The following ST6GALNAC3 variants were observed in gnomAD, a reference collection of about 807,000 sequenced individuals.
ST6GALNAC3 encodes ST6 N-acetylgalactosaminide alpha-2,6-sialyltransferase 3.
In ST6GALNAC3, 25 loss-of-function variants were observed where a neutral mutation model predicts 32.7. That is an observed-to-expected ratio of 0.76 (90% CI 0.56 to 1.07). The LOEUF is 1.07. Among genes scored for constraint, ST6GALNAC3 ranks in the 50% least tolerant of loss-of-function variants. The probability of loss-of-function intolerance (pLI) is 0.00; values close to 1 mark genes in which losing one functional copy is unlikely to be tolerated. For synonymous variants in ST6GALNAC3, 129 were observed against 133.1 expected (o/e 0.97, Z 0.21); for missense variants, 355 against 382.4 (o/e 0.93, Z 0.60).
intron 3 of ST6GALNAC3, among the ~76,000 whole-genome samples, chr1:76,431,348 A>G (rs1655738695): frequency 6.6e-6 from 1 of 152,202 alleles, no homozygotes; most frequent in African/African-American, 2.4e-5. Context: ...GAGCTCCAGA[A>G]TTAAAATTTG....
chr1:76,098,306 CT>C (rs1421325722), intron 1 of ST6GALNAC3, among the ~76,000 whole-genome samples: 2 of 151,996 alleles, frequency 1.3e-5, no homozygotes, highest in Non-Finnish European at 2.9e-5. Context: ...GATCACAATG[CT>C]TTTTTTTCTT....
intron 3 of ST6GALNAC3, among the ~76,000 whole-genome samples, chr1:76,534,649 C>T (rs1663483613): frequency 6.6e-6 from 1 of 152,160 alleles, no homozygotes; most frequent in Non-Finnish European, 1.5e-5. Context: ...TGTAGATGTT[C>T]TTTGGAGCTC....
intron 1 of ST6GALNAC3, among the ~76,000 whole-genome samples, chr1:76,177,330 G>A (rs1388391927): frequency 1.3e-5 from 2 of 152,152 alleles, no homozygotes; most frequent in African/African-American, 4.8e-5. Context: ...GACTCAGGAT[G>A]TGTTTGTGAA....
chr1:76,303,647 G>T (rs78828612), intron 1 of ST6GALNAC3, among the ~76,000 whole-genome samples: 3,706 of 152,152 alleles, frequency 0.024, 147 homozygotes, highest in African/African-American at 0.085. Flanking sequence ...ATACTCTTTT[G>T]TTATCTATTT....
At chr1:76,485,977 A>C (rs992488395) in intron 3 of ST6GALNAC3, among the ~76,000 whole-genome samples, 3 of 152,120 alleles carry the variant, frequency 2.0e-5, no homozygotes, top group African/African-American at 7.2e-5. Flanking sequence ...TCATTTTGTT[A>C]TGCACCCAGT....
At chr1:76,389,804 GA>G (rs1190805779) in intron 2 of ST6GALNAC3, among the ~76,000 whole-genome samples, 1 of 152,104 alleles carries the variant, frequency 6.6e-6, no homozygotes, top group Admixed American at 6.6e-5. Flanking sequence ...AATAAAAAGT[GA>G]AAAAAGTCAT....
intron 1 of ST6GALNAC3, among the ~76,000 whole-genome samples, chr1:76,309,643 G>A (rs891127592): frequency 6.6e-6 from 1 of 152,078 alleles, no homozygotes; most frequent in Admixed American, 6.5e-5. Context: ...TTTCAGAGTG[G>A]TTTCATACTA....
At chr1:76,126,197 A>G (rs1461794571) in intron 1 of ST6GALNAC3, among the ~76,000 whole-genome samples, 2 of 152,042 alleles carry the variant, frequency 1.3e-5, no homozygotes, top group Non-Finnish European at 2.9e-5. Context: ...AGAGTCTTCT[A>G]TTTTCTCAAT....
intron 2 of ST6GALNAC3, among the ~76,000 whole-genome samples, chr1:76,398,379 G>A (rs2101195868): frequency 6.6e-6 from 1 of 152,202 alleles, no homozygotes; most frequent in East Asian, 1.9e-4. Flanking sequence ...TACATCAGTG[G>A]TATCTTTCTG....
At chr1:76,289,397 G>T (rs1197513942) in intron 1 of ST6GALNAC3, among the ~76,000 whole-genome samples, 1 of 152,108 alleles carries the variant, frequency 6.6e-6, no homozygotes, top group Non-Finnish European at 1.5e-5. Flanking sequence ...CTGTGCTTCC[G>T]ATTACTCATG....
At chr1:76,408,058 T>C (rs781446099) in intron 2 of ST6GALNAC3, among the ~76,000 whole-genome samples, 1 of 152,098 alleles carries the variant, frequency 6.6e-6, no homozygotes, top group Non-Finnish European at 1.5e-5. Flanking sequence ...CTTTTTGTCA[T>C]GGCATACTGT....
At chr1:76,501,739 G>A (rs191738869) in intron 3 of ST6GALNAC3, among the ~76,000 whole-genome samples, 9 of 152,286 alleles carry the variant, frequency 5.9e-5, no homozygotes, top group Admixed American at 2.0e-4. Context: ...AAGAGGAAGC[G>A]GTGTTTAATG....
At chr1:76,422,574 A>T (rs374643126) in intron 3 of ST6GALNAC3, among the ~76,000 whole-genome samples, 3 of 152,120 alleles carry the variant, frequency 2.0e-5, no homozygotes, top group Admixed American at 6.6e-5. Context: ...CTTGCATCAG[A>T]ATTACAAGGG....
chr1:76,440,562 T>C, intron 3 of ST6GALNAC3, among the ~76,000 whole-genome samples: 1 of 152,208 alleles, frequency 6.6e-6, no homozygotes, highest in East Asian at 1.9e-4. Flanking sequence ...TAGAACTGTA[T>C]TTTGTAGAAT....
At chr1:76,571,806 G>A (rs1364257977) in intron 3 of ST6GALNAC3, among the ~76,000 whole-genome samples, 2 of 151,828 alleles carry the variant, frequency 1.3e-5, no homozygotes, top group Non-Finnish European at 2.9e-5. Flanking sequence ...GGGTTCCAAT[G>A]GTTTGTAAGC....
At chr1:76,355,559 T>C (rs954678137) in intron 2 of ST6GALNAC3, among the ~76,000 whole-genome samples, 1 of 152,208 alleles carries the variant, frequency 6.6e-6, no homozygotes, top group Admixed American at 6.5e-5. Context: ...TTATAAAAAG[T>C]AGCATCTGTA....
At chr1:76,144,585 C>G (rs1242493763) in intron 1 of ST6GALNAC3, among the ~76,000 whole-genome samples, 5 of 152,190 alleles carry the variant, frequency 3.3e-5, no homozygotes, top group Admixed American at 2.6e-4. Flanking sequence ...GAAGGATTCC[C>G]CCTGCCTTGG....
intron 3 of ST6GALNAC3, among the ~76,000 whole-genome samples, chr1:76,599,598 CTG>C (rs1394393415): frequency 6.6e-6 from 1 of 152,050 alleles, no homozygotes; most frequent in East Asian, 1.9e-4. Context: ...GAGCAAAGTG[CTG>C]TGTCTACATG....
intron 1 of ST6GALNAC3, among the ~76,000 whole-genome samples, chr1:76,112,167 C>T (rs1479241816): frequency 7.1e-6 from 1 of 140,970 alleles, no homozygotes; most frequent in South Asian, 2.3e-4. Flanking sequence ...GGCAGAGGGG[C>T]TCCTCTCTTC....
Sources: allele counts gnomAD v4.1 joint callset (sites outside exome capture counted in the v4.1 genomes callset), GRCh38; gene constraint gnomAD v4.1.1; transcripts MANE v1.5; gene names NCBI Gene and HGNC (gene_info 2026-07-23, HGNC 2026-07-21).